Variants in SPOPL observed in about 807,000 individuals in gnomAD.
The protein encoded by SPOPL is speckle type BTB/POZ protein like, also known as speckle-type POZ protein-like.
A neutral mutation model predicts 53.8 loss-of-function variants in SPOPL; 23 were observed. The observed-to-expected ratio is 0.43, with a 90% CI of 0.31 to 0.61. The LOEUF (loss-of-function observed/expected upper bound fraction) is 0.61, where lower values mean the gene tolerates loss of function less well. Among genes scored for constraint, SPOPL ranks in the 20% least tolerant of loss-of-function variants. The pLI is 0.12. For synonymous variants in SPOPL, 164 were observed against 149.7 expected, an observed-to-expected ratio of 1.10 and a Z score of -0.70; for missense variants, 442 against 466.9, an observed-to-expected ratio of 0.95 and a Z score of 0.49.
intron 1 of SPOPL, among the ~76,000 whole-genome samples, chr2:138,537,988 G>C (rs1558870874): frequency 6.6e-6 from 1 of 152,054 alleles, no homozygotes; most frequent in Non-Finnish European, 1.5e-5. Flanking sequence ...TTCCTCTTGA[G>C]TCAGTTTTGG....
chr2:138,518,154 AAAAG>A (rs1040035793), intron 1 of SPOPL, among the ~76,000 whole-genome samples: 7 of 152,068 alleles, frequency 4.6e-5, no homozygotes, highest in African/African-American at 7.2e-5. Flanking sequence ...TGTTAAAAAA[AAAAG>A]AAAGAAAACT....
chr2:138,516,580 G>A (rs1684442395), intron 1 of SPOPL, among the ~76,000 whole-genome samples: 1 of 152,120 alleles, frequency 6.6e-6, no homozygotes, highest in South Asian at 2.1e-4. Flanking sequence ...CATCCAAGGT[G>A]ATGATAGAAA....
At position 138,552,567 on chromosome 2, in the gene SPOPL, A is replaced by T; in HGVS notation, c.366A>T (p.Ala122=). The T allele has an allele frequency of 6.2e-7, 1 of 1,610,530 alleles. No homozygotes were observed. Among genetic ancestry groups the T allele is most frequent in the Non-Finnish European group, 8.5e-7 (1 of 1,178,588 alleles). Residue 122 remains alanine, a synonymous_variant, in exon 5 of 11, where the codon GCA becomes GCT. Coordinates refer to ENST00000280098, the MANE Select transcript of SPOPL (RefSeq NM_001001664.3). The part of the protein sequence containing the change: ...EETKAMESQR[A]YRFVQGKDWG... Reference sequence around the variant, plus strand: ...GTTTTCCACCAGAAAGCCAAAGAGCATATCGATTTGTGCAAGGGAAGGACT... The same window carrying T: ...GTTTTCCACCAGAAAGCCAAAGAGCTTATCGATTTGTGCAAGGGAAGGACT...
chr2:138,509,937 C>T (rs1030386802), intron 1 of SPOPL, among the ~76,000 whole-genome samples: 15 of 152,304 alleles, frequency 9.8e-5, no homozygotes, highest in African/African-American at 3.6e-4. Flanking sequence ...CAACCCCTGA[C>T]AACCATTGAT....
intron 8 of SPOPL, among the ~76,000 whole-genome samples, chr2:138,561,781 G>T (rs1685554924): frequency 6.6e-6 from 1 of 152,152 alleles, no homozygotes; most frequent in African/African-American, 2.4e-5. Context: ...GGTATTATGT[G>T]ATGCTGAGGT....
intron 1 of SPOPL, among the ~76,000 whole-genome samples, chr2:138,547,367 T>C (rs1420486434): frequency 6.6e-6 from 1 of 152,240 alleles, no homozygotes; most frequent in African/African-American, 2.4e-5. Context: ...TAATAACTCT[T>C]CTAGAGATAT....
chr2:138,525,663 A>AAAAACAC (rs1553468800), intron 1 of SPOPL, among the ~76,000 whole-genome samples: 1 of 130,482 alleles, frequency 7.7e-6, no homozygotes, highest in Non-Finnish European at 1.6e-5. Context: ...GTAGAAAAAA[A>AAAAACAC]AAAAAAAAAA....
chr2:138,545,600 AT>A (rs34139173), intron 1 of SPOPL, among the ~76,000 whole-genome samples: 145,159 of 150,334 alleles, frequency 0.97, 70,257 homozygotes, highest in Non-Finnish European at 1. Flanking sequence ...CACCCGGCTA[AT>A]TTTTTTTTTT....
intron 1 of SPOPL, among the ~76,000 whole-genome samples, chr2:138,543,901 A>G (rs1256211589): frequency 1.3e-5 from 2 of 152,150 alleles, no homozygotes; most frequent in Non-Finnish European, 2.9e-5. Flanking sequence ...GGTGACTTAC[A>G]GATGGGTTTT....
At chr2:138,539,601 G>T (rs1342346294) in intron 1 of SPOPL, among the ~76,000 whole-genome samples, 1 of 131,942 alleles carries the variant, frequency 7.6e-6, no homozygotes, top group African/African-American at 2.5e-5. Context: ...GGGGTTGTTT[G>T]TTTTTTTCTT....
At chr2:138,543,702 A>G (rs972079604) in intron 1 of SPOPL, among the ~76,000 whole-genome samples, 2 of 151,930 alleles carry the variant, frequency 1.3e-5, no homozygotes, top group African/African-American at 4.8e-5. Context: ...AGCTTGGAGT[A>G]GTTTGATCGT....
chr2:138,557,658 C>T (rs1403175547), intron 5 of SPOPL, among the ~76,000 whole-genome samples: 2 of 152,118 alleles, frequency 1.3e-5, no homozygotes, highest in African/African-American at 4.8e-5. Context: ...CTATCTATTG[C>T]TGTGTAACAA....
intron 1 of SPOPL, among the ~76,000 whole-genome samples, chr2:138,543,685 C>T (rs1476009238): frequency 3.3e-5 from 5 of 151,928 alleles, no homozygotes; most frequent in Admixed American, 3.3e-4. Flanking sequence ...TTTGAACTTC[C>T]TCCTTTAGCT....
intron 8 of SPOPL, among the ~76,000 whole-genome samples, chr2:138,562,783 C>CAAAA (rs35397774): frequency 1.6e-5 from 1 of 64,150 alleles, no homozygotes; most frequent in African/African-American, 5.2e-5. Context: ...GATTCCATCT[C>CAAAA]AAAAAAAAAA....
Position 138,573,434 on chromosome 2 carries a change from G to A in SPOPL, c.*4354G>A, listed in dbSNP as rs1018501347. On this transcript the variant is annotated 3_prime_UTR_variant, in exon 11 of 11. Transcript: ENST00000280098. ...TATTAATATGCATTTATTTTAATAT[G>A]TATGAACCATCAATACTGGATGACT... The A allele has an allele frequency of 2.4e-4, 36 of 152,208 alleles. No homozygotes were observed. Among genetic ancestry groups the A allele is most frequent in the African/African-American group, 8.4e-4 (35 of 41,528 alleles). The allele number at this position is 152,208 out of a possible 1,614,324, so 9.4% of individuals were successfully genotyped here.
intron 1 of SPOPL, among the ~76,000 whole-genome samples, chr2:138,545,307 C>T (rs753875512): frequency 2.6e-5 from 4 of 152,160 alleles, no homozygotes; most frequent in Non-Finnish European, 5.9e-5. Flanking sequence ...GGGCTGATGA[C>T]TTGGGCGGAC....
At chr2:138,547,529 G>C (rs559485144) in intron 1 of SPOPL, among the ~76,000 whole-genome samples, 1 of 151,710 alleles carries the variant, frequency 6.6e-6, no homozygotes, top group Non-Finnish European at 1.5e-5. Context: ...TCTACCCCAG[G>C]ATCTATTACT....
At chr2:138,520,133 A>G (rs997287360) in intron 1 of SPOPL, among the ~76,000 whole-genome samples, 46 of 152,330 alleles carry the variant, frequency 3.0e-4, no homozygotes, top group African/African-American at 1.1e-3. Context: ...TAGAGCTTGA[A>G]TTAAATTGAC....
In SPOPL at chr2:138,559,226, G is replaced by C. The variant is rs1301862745; in HGVS notation, c.658+27G>C. 1.9e-6 allele frequency: 3 copies of C among 1,610,070 alleles called. No individual in the cohort carries two copies. The East Asian group carries it at 6.7e-5, about 36-fold the overall frequency. ...TACTTTCTAGTTATGGGGTAATATA[G>C]TACATTTAAAAAAATGCATTTATGC... On this transcript the variant is annotated intron_variant, in intron 6 of 10. Coordinates refer to ENST00000280098, the MANE Select transcript of SPOPL (RefSeq NM_001001664.3).
Sources: gnomAD v4.1 joint callset for allele counts (sites outside exome capture counted in the v4.1 genomes callset) on GRCh38, gnomAD v4.1.1 for gene constraint, MANE v1.5 for transcripts, NCBI Gene and HGNC (gene_info 2026-07-23, HGNC 2026-07-21) for gene names.